Variants in EPHA4 observed in about 807,000 individuals in gnomAD.
EPHA4 encodes EPH receptor A4.
EPHA4 carries 19 observed loss-of-function variants against 108.3 expected under a neutral mutation model. That is an observed-to-expected ratio of 0.18 (90% CI 0.12 to 0.26). EPHA4 has a LOEUF of 0.26. Among genes scored for constraint, EPHA4 ranks in the 10% least tolerant of loss-of-function variants. The probability of loss-of-function intolerance (pLI) is 1.00; values close to 1 mark genes in which losing one functional copy is unlikely to be tolerated. For missense variants in EPHA4, 917 were observed against 1,254.0 expected, an observed-to-expected ratio of 0.73 and a Z score of 4.06; for synonymous variants, 449 against 455.5, an observed-to-expected ratio of 0.99 and a Z score of 0.18.
intron 9 of EPHA4, among the ~76,000 whole-genome samples, chr2:221,444,868 G>A (rs1483799867): frequency 2.1e-5 from 3 of 144,338 alleles, no homozygotes; most frequent in Admixed American, 7.4e-5. Flanking sequence ...AGCAATTCTC[G>A]TGCCTCAGCC....
chr2:221,544,579 G>T (rs74381436), intron 3 of EPHA4, among the ~76,000 whole-genome samples: 2,833 of 152,194 alleles, frequency 0.019, 89 homozygotes, highest in East Asian at 0.082. Flanking sequence ...ACGCGTATCG[G>T]CCTCCCAAAG....
At chr2:221,551,981 C>G (rs1694177224) in intron 3 of EPHA4, among the ~76,000 whole-genome samples, 1 of 152,050 alleles carries the variant, frequency 6.6e-6, no homozygotes, top group African/African-American at 2.4e-5. Flanking sequence ...TTACTTTCAA[C>G]TGCACTTCTT....
chr2:221,458,309 A>G (rs1208582128), intron 5 of EPHA4, among the ~76,000 whole-genome samples: 1 of 152,204 alleles, frequency 6.6e-6, no homozygotes, highest in African/African-American at 2.4e-5. Context: ...TCTGGTTTTT[A>G]ACCTTTTGTA....
At chr2:221,435,293 T>C (rs1309635262) in intron 13 of EPHA4, among the ~76,000 whole-genome samples, 1 of 152,208 alleles carries the variant, frequency 6.6e-6, no homozygotes. Context: ...GTTTTATCTA[T>C]GTAAATGTAT....
chr2:221,443,123 C>T, intron 10 of EPHA4, 109 bp from the exon 11 acceptor site: 1 of 1,125,526 alleles, frequency 8.9e-7, no homozygotes. Flanking sequence ...TTTGCTAGTG[C>T]TTTGCATAGA....
At chr2:221,550,418 G>GGAGAGAGAGAGA (rs71406572) in intron 3 of EPHA4, among the ~76,000 whole-genome samples, 8 of 135,604 alleles carry the variant, frequency 5.9e-5, no homozygotes, top group Admixed American at 7.6e-5. Context: ...TGAGGAAAGG[G>GGAGAGAGAGAGA]GAGAGAGAGA....
At chr2:221,516,961 A>G (rs1308194192) in intron 3 of EPHA4, among the ~76,000 whole-genome samples, 1 of 152,190 alleles carries the variant, frequency 6.6e-6, no homozygotes, top group African/African-American at 2.4e-5. Flanking sequence ...TAAAAATCAG[A>G]TCAGAAAAAA....
chr2:221,535,502 C>T (rs1462976813), intron 3 of EPHA4, among the ~76,000 whole-genome samples: 2 of 152,158 alleles, frequency 1.3e-5, no homozygotes, highest in East Asian at 1.9e-4. Flanking sequence ...TAAACATTAT[C>T]GTCTTTTGTC....
intron 4 of EPHA4, among the ~76,000 whole-genome samples, chr2:221,498,642 C>CT (rs936132277): frequency 2.7e-5 from 4 of 150,550 alleles, no homozygotes; most frequent in Admixed American, 2.0e-4. Flanking sequence ...AAGACAGGGT[C>CT]TTTTTTTGTC....
At chr2:221,505,338 T>TTTA (rs1367108754) in intron 3 of EPHA4, among the ~76,000 whole-genome samples, 1,533 of 151,936 alleles carry the variant, frequency 0.01, 14 homozygotes, top group Admixed American at 0.011. Flanking sequence ...TTATTTATTT[T>TTTA]TTTGAGACAA....
intron 3 of EPHA4, among the ~76,000 whole-genome samples, chr2:221,513,443 T>A (rs1284168316): frequency 2.0e-5 from 3 of 152,234 alleles, no homozygotes; most frequent in African/African-American, 7.2e-5. Context: ...TCAGGAATCA[T>A]GATTTATGCA....
At chr2:221,436,714 A>C in intron 12 of EPHA4, 106 bp from the exon 13 acceptor site, 1 of 1,127,580 alleles carries the variant, frequency 8.9e-7, no homozygotes, top group East Asian at 2.5e-5. Context: ...TCCGGTATGC[A>C]ATGAAACTCA....
At position 221,545,907 on chromosome 2, in the gene EPHA4, A is replaced by G. The variant is rs185198350; in HGVS notation, c.823+17824T>C. 1.3e-3 allele frequency among the ~76,000 whole-genome samples: 195 copies of G among 152,362 alleles called. 2 individuals are homozygous for G. The highest frequency in any genetic ancestry group is 0.011 in the Admixed American group (164 of 15,306). On this transcript the variant is annotated intron_variant, in intron 3 of 17. Transcript: ENST00000281821. ...CTTTCCATTGTCTGAGCAGATGCTT[A>G]GGAAAGGTTTATAGTTGAAAGTCAA...
chr2:221,530,475 A>G (rs1410659293), intron 3 of EPHA4, among the ~76,000 whole-genome samples: 1 of 152,242 alleles, frequency 6.6e-6, no homozygotes, highest in Non-Finnish European at 1.5e-5. Flanking sequence ...GCAAACCAGC[A>G]ACGGGCTGGA....
chr2:221,524,175 G>A (rs775979166), intron 3 of EPHA4, among the ~76,000 whole-genome samples: 16 of 152,200 alleles, frequency 1.1e-4, no homozygotes, highest in Admixed American at 1.0e-3. Flanking sequence ...AAACTCCAGA[G>A]CAAAGATGTC....
intron 3 of EPHA4, among the ~76,000 whole-genome samples, chr2:221,561,508 C>A (rs1694464460): frequency 6.6e-6 from 1 of 152,166 alleles, no homozygotes; most frequent in African/African-American, 2.4e-5. Flanking sequence ...TCAAAAACGA[C>A]TCAATCCACC....
Position 221,426,157 on chromosome 2 carries a change from A to C in EPHA4, c.2847-15T>G. The C allele has an allele frequency of 1.2e-6, 2 of 1,605,822 alleles. No individual in the cohort carries two copies. The highest frequency in any genetic ancestry group is 1.3e-5 in the African/African-American group (1 of 74,838). On this transcript the variant is annotated splice_polypyrimidine_tract_variant and intron_variant, in intron 16 of 17. Transcript: ENST00000281821. ...TTGCCAGGTCCCTGTACATAGGGCG[A>C]CAAAAAAGGGACAGAAGAAGTCACA...
Position 221,426,018 on chromosome 2 carries a change from C to A in EPHA4, c.*10G>T. The A allele has an allele frequency of 6.2e-7, 1 of 1,611,530 alleles. No homozygotes were observed. The highest frequency in any genetic ancestry group is 1.1e-5 in the South Asian group (1 of 90,942). ...TAATTTCAAGAGTTTTGAGTTTATT[C>A]AGTACTGGCTCAGACGGGAACCATT... On this transcript the variant is annotated 3_prime_UTR_variant, in exon 17 of 18. Coordinates refer to ENST00000281821, the MANE Select transcript of EPHA4 (RefSeq NM_004438.5).
At chr2:221,539,046 G>A in intron 3 of EPHA4, among the ~76,000 whole-genome samples, 1 of 152,088 alleles carries the variant, frequency 6.6e-6, no homozygotes, top group Admixed American at 6.6e-5. Context: ...CCAACTGAAG[G>A]GGAAAGTGGG....
Sources: allele counts gnomAD v4.1 joint callset (sites outside exome capture counted in the v4.1 genomes callset), GRCh38; gene constraint gnomAD v4.1.1; transcripts MANE v1.5; gene names NCBI Gene and HGNC (gene_info 2026-07-23, HGNC 2026-07-21).